The following FUCA1 variants were observed in gnomAD, a reference collection of about 807,000 sequenced individuals.
FUCA1 encodes tissue alpha-L-fucosidase.
A neutral mutation model predicts 56.8 loss-of-function variants in FUCA1; 52 were observed. The ratio of observed to expected loss-of-function variants is 0.92; its 90% CI spans 0.73 to 1.15. The LOEUF (loss-of-function observed/expected upper bound fraction) is 1.15. Among genes scored for constraint, FUCA1 ranks in the 50% most tolerant of loss-of-function variants. The pLI is 0.00. For missense variants in FUCA1, 568 were observed against 592.6 expected (o/e 0.96, Z 0.43); for synonymous variants, 230 against 226.6 (o/e 1.02, Z -0.14).
Position 23,867,934 on chromosome 1 carries a change from T to C in FUCA1, c.353A>G (p.Glu118Gly), listed in dbSNP as rs1639658122. ...PQFTARFFHP[E>G]EWADLFQAAG... is the part of the protein sequence containing the mutation. ...GGCCTGGAAGAGGTCGGCCCACTCC[T>C]CCGGGTGGAAGAAGCGCGCAGTGAA... is the stretch of plus-strand genomic sequence containing the variant. The change falls in exon 1 of 8, where the codon GAG becomes GGG. Residue 118 changes from glutamate (E) to glycine (G), a missense_variant. Glu to Gly is a moderately conservative substitution (Grantham distance 98). Coordinates refer to ENST00000374479, the MANE Select transcript of FUCA1 (RefSeq NM_000147.5). This position sits in a 1 kb window ranked among gnomAD's most constrained non-coding sequence, Gnocchi z 4.9. The C allele has an allele frequency of 6.4e-7, 1 of 1,561,480 alleles. No individual in the cohort carries two copies. The highest frequency in any genetic ancestry group is 8.7e-7 in the Non-Finnish European group (1 of 1,153,516).
Position 23,865,521 on chromosome 1 carries a change from A to G in FUCA1, c.494T>C (p.Val165Ala). ...CCGGAGAGCTGTTCCCAATTCACCA[A>G]CCAAATCCCGATGAGGCCCCACGTC... is the stretch of plus-strand genomic sequence containing the variant. ...SKDVGPHRDLVGELGTALRKR... is the reference protein window; with the variant it reads ...SKDVGPHRDLAGELGTALRKR... The change falls in exon 2 of 8, where the codon GTT becomes GCT. Residue 165 changes from valine to alanine, a missense_variant. Coordinates refer to ENST00000374479, the MANE Select transcript of FUCA1 (RefSeq NM_000147.5). The G allele has an allele frequency of 2.5e-6, 4 of 1,614,142 alleles. No homozygotes were observed. The East Asian group carries it at 8.9e-5, about 36-fold the overall frequency.
At chr1:23,850,465 T>C (rs188536112) in intron 5 of FUCA1, among the ~76,000 whole-genome samples, 2 of 151,928 alleles carry the variant, frequency 1.3e-5, no homozygotes, top group South Asian at 4.1e-4. Context: ...GTAACTTATT[T>C]TATTTATTTA....
chr1:23,862,447 G>A (rs764215511), intron 3 of FUCA1, among the ~76,000 whole-genome samples: 22 of 152,136 alleles, frequency 1.4e-4, no homozygotes, highest in East Asian at 3.8e-4. Flanking sequence ...GATTACAGGC[G>A]TAAGCCACTG....
In FUCA1 at chr1:23,859,779, A is replaced by G; in HGVS notation, c.768+19T>C. 1 of 1,482,720 alleles carries G rather than the reference A, an allele frequency of 6.7e-7. No individual in the cohort carries two copies. The highest frequency in any genetic ancestry group is 9.4e-7 in the Non-Finnish European group (1 of 1,060,428). 91.8% of individuals were successfully genotyped at this position (1,482,720 alleles called of 1,614,324 possible). On this transcript the variant is annotated intron_variant, in intron 4 of 7. Coordinates refer to ENST00000374479, the MANE Select transcript of FUCA1 (RefSeq NM_000147.5). ...TCTTTCTTCATAGGAGATAAATAAG[A>G]AGTCATATAATCACATACCTTGACA...
Position 23,863,226 on chromosome 1 carries a change from A to G in FUCA1, c.570T>C (p.His190=). 3.1e-6 allele frequency: 5 copies of G among 1,612,130 alleles called. No individual in the cohort carries two copies. The highest frequency in any genetic ancestry group is 3.4e-6 in the Non-Finnish European group (4 of 1,178,372). Reference sequence around the variant, plus strand: ...TTTTCTTATCAAGTAGATAGAGTGGATGGAACCACTCTAAGAGTGAGTGGT... The same window carrying G: ...TTTTCTTATCAAGTAGATAGAGTGGGTGGAACCACTCTAAGAGTGAGTGGT... ...GLYHSLLEWF[H]PLYLLDKKNG... The change falls in exon 3 of 8, where the codon CAT becomes CAC. Residue 190 remains histidine (H), a synonymous_variant. Transcript: ENST00000374479.
Position 23,868,215 on chromosome 1 carries a change from C to G in FUCA1, c.72G>C (p.Ala24=). ...ALLLLLLFLG[A]AESVRRAQPP... ...GCTGGGCCCGACGCACCGACTCGGC[C>G]GCTCCGAGGAAGAGCAGCAGCAGCA... The change falls in exon 1 of 8, where the codon GCG becomes GCC. Residue 24 remains alanine, a synonymous_variant. Transcript: ENST00000374479. 1.9e-6 allele frequency: 3 copies of G among 1,589,728 alleles called. No individual in the cohort carries two copies. In the South Asian group the frequency reaches 3.4e-5, roughly 18 times the overall value.
At chr1:23,866,009 T>C (rs1478354825) in intron 1 of FUCA1, among the ~76,000 whole-genome samples, 1 of 152,160 alleles carries the variant, frequency 6.6e-6, no homozygotes, top group Non-Finnish European at 1.5e-5. Flanking sequence ...TGGCAGATAA[T>C]AGAAAACTAA....
At chr1:23,864,706 C>CTT (rs563678936) in intron 2 of FUCA1, among the ~76,000 whole-genome samples, 11 of 138,526 alleles carry the variant, frequency 7.9e-5, no homozygotes, top group African/African-American at 1.6e-4. Context: ...TGTCTTTTTT[C>CTT]TTTTTTTTTT....
At chr1:23,866,469 T>A (rs1030826219) in intron 1 of FUCA1, among the ~76,000 whole-genome samples, 1 of 152,234 alleles carries the variant, frequency 6.6e-6, no homozygotes. Context: ...TCACTCAATA[T>A]TTAATTTGCT....
chr1:23,848,805 T>C lies in FUCA1; in HGVS notation c.1004A>G (p.Tyr335Cys), dbSNP rs1381233051. The C allele has an allele frequency of 3.1e-6, 5 of 1,614,188 alleles. No homozygotes were observed. The highest frequency in any genetic ancestry group is 1.3e-5 in the African/African-American group (1 of 75,048). Residue 335 changes from tyrosine to cysteine, a missense_variant, in exon 6 of 8, where the codon TAT becomes TGT. Tyr to Cys is a radical substitution (Grantham distance 194). Coordinates refer to ENST00000374479, the MANE Select transcript of FUCA1 (RefSeq NM_000147.5). ...LVQTVSLGGN[Y>C]LLNIGPTKDG... ...TTTAGTTGGTCCAATGTTCAGAAGA[T>C]AGTTGCCTCCCAAACTTACTGTCTG...
In FUCA1 at chr1:23,865,578, G is replaced by C. The variant is rs2228424; in HGVS notation, c.437C>G (p.Pro146Arg). The change falls in exon 2 of 8, where the codon CCG becomes CGG. Residue 146 changes from proline to arginine, a missense_variant. By Grantham distance (103) the Pro-to-Arg change is moderately radical. Transcript: ENST00000374479. ...GTTCCAGTTCCAAGACACAGGACTC[G>C]GCCAGTTTGTGAAGCCTTCGTGATG... is the stretch of plus-strand genomic sequence containing the variant. ...TKHHEGFTNWPSPVSWNWNSK... is the reference protein window; with the variant it reads ...TKHHEGFTNWRSPVSWNWNSK... The C allele has an allele frequency of 8.1e-6, 13 of 1,614,174 alleles. No homozygotes were observed. The East Asian group carries it at 2.0e-4, about 25-fold the overall frequency.
chr1:23,853,289 C>T (rs1241116803), intron 5 of FUCA1, among the ~76,000 whole-genome samples: 10 of 151,558 alleles, frequency 6.6e-5, no homozygotes, highest in Admixed American at 2.0e-4. Context: ...GCAGCCACCC[C>T]GTCTGGTAAG....
Position 23,867,541 on chromosome 1 carries a change from T to C in FUCA1, c.389+357A>G, listed in dbSNP as rs565557740. 6.6e-6 allele frequency among the ~76,000 whole-genome samples: 1 copy of C among 152,170 alleles called. No homozygotes were observed. The highest frequency in any genetic ancestry group is 2.4e-5 in the African/African-American group (1 of 41,514). Reference sequence around the variant, plus strand: ...GAAGTGACATGTCCAGGTTCACAGTTGAATTAGAACCAGGCTCCACACCAC... The same window carrying C: ...GAAGTGACATGTCCAGGTTCACAGTCGAATTAGAACCAGGCTCCACACCAC... On this transcript the variant is annotated intron_variant, in intron 1 of 7. Coordinates refer to ENST00000374479, the MANE Select transcript of FUCA1 (RefSeq NM_000147.5). This position sits in a 1 kb window ranked among gnomAD's most constrained non-coding sequence, Gnocchi z 4.9.
chr1:23,854,520 G>T lies in FUCA1; in HGVS notation c.809C>A (p.Ser270Tyr). ...VVNDRWGQNC[S>Y]CHHGGYYNCE... ...GTTATAGTATCCTCCATGGTGACAGGAACAGTTCTGACCCCATCGGTCATT... is the reference window on the plus strand; with the variant it reads ...GTTATAGTATCCTCCATGGTGACAGTAACAGTTCTGACCCCATCGGTCATT... Residue 270 changes from serine to tyrosine, a missense_variant, in exon 5 of 8, where the codon TCC (serine) becomes TAC (tyrosine). By Grantham distance (144) the Ser-to-Tyr change is moderately radical (BLOSUM62 -2). Coordinates refer to ENST00000374479, the MANE Select transcript of FUCA1 (RefSeq NM_000147.5). The T allele has an allele frequency of 6.2e-7, 1 of 1,613,978 alleles. No homozygotes were observed. The highest frequency in any genetic ancestry group is 8.5e-7 in the Non-Finnish European group (1 of 1,179,874).
Position 23,863,250 on chromosome 1 carries a change from G to C in FUCA1, c.546C>G (p.Tyr182Ter). The C allele has an allele frequency of 6.2e-7, 1 of 1,613,298 alleles. No individual in the cohort carries two copies. Among genetic ancestry groups the C allele is most frequent in the Non-Finnish European group, 8.5e-7 (1 of 1,179,712 alleles). The stretch of plus-strand genomic sequence containing the variant: ...GATGGAACCACTCTAAGAGTGAGTG[G>C]TATAGTCCATAGCGGATGTTCCTTA... ...LRKRNIRYGLYHSLLEWFHPL... is the reference protein window; with the variant it reads ...LRKRNIRYGL Residue 182 changes from tyrosine (Y) to a stop codon, truncating the protein, a stop_gained, in exon 3 of 8, where the codon TAC (tyrosine) becomes TAG (stop). Transcript: ENST00000374479. LOFTEE classifies it high-confidence loss of function.
At chr1:23,848,963 T>C (rs913580349) in intron 5 of FUCA1, 124 bp from the exon 6 acceptor site, 1 of 860,494 alleles carries the variant, frequency 1.2e-6, no homozygotes, top group East Asian at 2.6e-5. Context: ...TCTGCTGTTT[T>C]AATTTTTTTT....
chr1:23,857,813 A>AC (rs1639425017), intron 4 of FUCA1, among the ~76,000 whole-genome samples: 3 of 151,602 alleles, frequency 2.0e-5, no homozygotes, highest in Non-Finnish European at 4.4e-5. Context: ...GACTACAGGC[A>AC]TGTAAAAATT....
At chr1:23,862,394 T>C (rs1369011390) in intron 3 of FUCA1, among the ~76,000 whole-genome samples, 2 of 152,190 alleles carry the variant, frequency 1.3e-5, no homozygotes, top group Admixed American at 1.3e-4. Flanking sequence ...CTCGAACTCC[T>C]GACTTCAAGT....
chr1:23,845,903 G>C, intron 7 of FUCA1, 48 bp from the exon 8 acceptor site: 2 of 1,610,262 alleles, frequency 1.2e-6, no homozygotes, highest in Non-Finnish European at 1.7e-6. Flanking sequence ...GCACTAATGA[G>C]TATAGAATAC....
Sources: gnomAD v4.1 joint callset for allele counts (sites outside exome capture counted in the v4.1 genomes callset) on GRCh38, gnomAD v4.1.1 for gene constraint, Gnocchi (gnomAD v3.1) non-coding constraint, MANE v1.5 for transcripts, NCBI Gene and HGNC (gene_info 2026-07-23, HGNC 2026-07-21) for gene names.